The following INF2 variants were observed in gnomAD, a reference collection of about 807,000 sequenced individuals.
INF2 encodes inverted formin-2.
Under a neutral mutation model 123.5 loss-of-function variants are expected in INF2, and 43 were observed. The observed-to-expected ratio is 0.35, with a 90% CI of 0.27 to 0.45. INF2 has a LOEUF of 0.45. INF2 is among the 20% of genes least tolerant of loss of function. INF2 has a pLI of 1.00. For synonymous variants in INF2, 851 were observed against 745.0 expected (o/e 1.14, Z -2.32); for missense variants, 1,453 against 1,682.7 (o/e 0.86, Z 2.39).
At chr14:104,690,941 C>T (rs1174555300) in intron 1 of INF2, among the ~76,000 whole-genome samples, 3 of 152,216 alleles carry the variant, frequency 2.0e-5, no homozygotes, top group African/African-American at 7.2e-5. Context: ...CTGCTCCCAC[C>T]CCTACCAGGG....
In INF2 at chr14:104,698,986, C is replaced by T. The variant is rs531517025; in HGVS notation, c.-9-2371C>T. ...GGCAGGAGGGCCAGTTTCCTCCCACCGTGGCTCCACCCCACTGACCAAGGG... is the reference window on the plus strand; with the variant it reads ...GGCAGGAGGGCCAGTTTCCTCCCACTGTGGCTCCACCCCACTGACCAAGGG... On this transcript the variant is annotated intron_variant, in intron 1 of 22. Transcript: ENST00000392634. Among the ~76,000 whole-genome samples, 31 of 152,284 alleles carry T rather than the reference C, an allele frequency of 2.0e-4. No individual in the cohort carries two copies. In the East Asian group the frequency reaches 4.8e-3, roughly 24 times the overall value.
Position 104,706,924 on chromosome 14 carries a change from G to T in INF2, c.858G>T (p.Pro286=). Residue 286 remains proline, a synonymous_variant, in exon 7 of 23, where the codon CCG becomes CCT. Transcript: ENST00000392634. The part of the protein sequence containing the change: ...ASLFHKVSCS[P]VSAQLLSVLQ... ...CGCCCGTCCAGGTGAGCTGCTCCCC[G>T]GTGTCTGCCCAGCTCCTGTCGGTGC... The T allele has an allele frequency of 6.2e-7, 1 of 1,604,206 alleles. No individual in the cohort carries two copies. Among genetic ancestry groups the T allele is most frequent in the South Asian group, 1.1e-5 (1 of 90,992 alleles).
chr14:104,714,438 G>C lies in INF2; in HGVS notation c.3276G>C (p.Gln1092His). ...ASDVLTTEDPQCPQPLEGAWP... is the reference protein window; with the variant it reads ...ASDVLTTEDPHCPQPLEGAWP... ...ATGTCCTAACCACTGAGGATCCCCA[G>C]TGCCCCCAGCCCTTGGAGGGGGCCT... The change falls in exon 21 of 23, where the codon CAG becomes CAC. Residue 1092 changes from glutamine to histidine, a missense_variant. Gln to His is a conservative substitution (Grantham distance 24, BLOSUM62 0). Coordinates refer to ENST00000392634, the MANE Select transcript of INF2 (RefSeq NM_022489.4). The C allele has an allele frequency of 1.2e-6, 2 of 1,610,654 alleles. No homozygotes were observed. Among genetic ancestry groups the C allele is most frequent in the Non-Finnish European group, 1.7e-6 (2 of 1,178,854 alleles).
chr14:104,706,797 T>C, intron 6 of INF2, 113 bp from the exon 7 acceptor site: 1 of 1,191,970 alleles, frequency 8.4e-7, no homozygotes, highest in Non-Finnish European at 1.2e-6. Flanking sequence ...TCTCTAGGGA[T>C]CCGTGGGAAT....
At chr14:104,687,537 C>T (rs1230744847), upstream of INF2, among the ~76,000 whole-genome samples, 1 of 152,146 alleles carries the variant, frequency 6.6e-6, no homozygotes, top group Non-Finnish European at 1.5e-5. This position sits in a 1 kb window ranked among gnomAD's most constrained non-coding sequence, Gnocchi z 5.6. Flanking sequence ...CTCCTCTGCA[C>T]TCCCTGCCGA....
intron 22 of INF2, among the ~76,000 whole-genome samples, chr14:104,716,841 C>A (rs1890320818): frequency 6.6e-6 from 1 of 152,220 alleles, no homozygotes; most frequent in East Asian, 1.9e-4. Context: ...CAGGCACACG[C>A]CACCACGCGC....
Position 104,707,762 on chromosome 14 carries a change from TGCCC to T in INF2, c.1500_1503del (p.Pro501HisfsTer56). On this transcript the variant is annotated frameshift_variant, in exon 8 of 23. Transcript: ENST00000392634. LOFTEE classifies it high-confidence loss of function. Reference sequence around the variant, plus strand: ...ACCTCCACCACTCCCGGGCTTGGGATGCCCGCCCCCACCCCCACCCCTGCTGCCT... The same window carrying T: ...ACCTCCACCACTCCCGGGCTTGGGATGCCCCCACCCCCACCCCTGCTGCCT... 1 of 1,236,956 alleles carries T rather than the reference TGCCC, an allele frequency of 8.1e-7. No individual in the cohort carries two copies. Among genetic ancestry groups the T allele is most frequent in the Non-Finnish European group, 1.1e-6 (1 of 907,250 alleles). 76.6% of individuals were successfully genotyped at this position (1,236,956 alleles called of 1,614,324 possible).
chr14:104,712,725 A>G, intron 17 of INF2, 103 bp from the exon 18 acceptor site: 1 of 1,475,056 alleles, frequency 6.8e-7, no homozygotes, highest in Non-Finnish European at 9.1e-7. Flanking sequence ...CACCGTCCTC[A>G]GGGCCTGTCC....
Position 104,708,688 on chromosome 14 carries a change from CAAG to C in INF2, c.1910_1912del (p.Lys637del). On this transcript the variant is annotated inframe_deletion, in exon 10 of 23. Transcript: ENST00000392634. ...TTTTCTAGATCACTTTCCTCGATGC[CAAG>C]AAGAGCCTGAACCTCAACATCTTCC... 1 of 1,613,058 alleles carries C rather than the reference CAAG, an allele frequency of 6.2e-7. No individual in the cohort carries two copies. Among genetic ancestry groups the C allele is most frequent in the Non-Finnish European group, 8.5e-7 (1 of 1,179,856 alleles).
chr14:104,709,191 G>A (rs766830692), intron 10 of INF2, 90 bp from the exon 11 acceptor site: 15 of 989,476 alleles, frequency 1.5e-5, no homozygotes, highest in Non-Finnish European at 2.3e-5. Flanking sequence ...ATGACTACGT[G>A]GGGAAACCCT....
chr14:104,689,590 T>TCCCCCCCCCCCC, upstream of INF2: 1 of 646,936 alleles, frequency 1.5e-6, no homozygotes, highest in Non-Finnish European at 1.9e-6. Flanking sequence ...CTCCTCTTCC[T>TCCCCCCCCCCCC]CCCGCCCGCC....
intron 8 of INF2, 41 bp downstream of exon 8, chr14:104,708,043 C>T (rs1356293710): frequency 1.9e-6 from 3 of 1,597,734 alleles, no homozygotes; most frequent in Admixed American, 1.7e-5. Context: ...TCCCCTAGGA[C>T]GGGGGCTGGT....
chr14:104,712,648 A>G, intron 17 of INF2, 95 bp downstream of exon 17: 1 of 1,580,836 alleles, frequency 6.3e-7, no homozygotes, highest in South Asian at 1.1e-5. Flanking sequence ...TCCAGGGTGG[A>G]TCCTGGGGCC....
At chr14:104,681,373 C>T (rs1447078696) in exon 1 of INF2, 1 of 451,656 alleles carries the variant, frequency 2.2e-6, no homozygotes, top group South Asian at 1.6e-5. Flanking sequence ...CACGTGCAGG[C>T]TTGGCCCTCA....
In INF2 at chr14:104,684,130, G is replaced by A. The variant is rs75458767; in HGVS notation, c.-104+2548G>A. ...GACATAAGACAGTTCAAAGCTGAGC[G>A]GCTCTCCCCATCATGCAAGTAACCT... On this transcript the variant is annotated intron_variant, in intron 1 of 2. Coordinates refer to the INF2 transcript ENST00000674723. The surrounding 1 kb of genome is among the most constrained non-coding windows in gnomAD (Gnocchi z 5.0). The A allele has an allele frequency of 0.034, 15,502 of 455,870 alleles. 344 individuals carry two copies. The highest frequency in any genetic ancestry group is 0.076 in the African/African-American group (3,809 of 50,168). The allele number at this position is 455,870 out of a possible 1,614,324, so 28.2% of individuals were successfully genotyped here.
At chr14:104,681,641 G>C in intron 1 of INF2, 1 of 1,264,114 alleles carries the variant, frequency 7.9e-7, no homozygotes, top group African/African-American at 1.5e-5. Flanking sequence ...GAGCAGACAC[G>C]GGGGCGGAGA....
intron 1 of INF2, among the ~76,000 whole-genome samples, chr14:104,698,070 G>A (rs1889276235): frequency 6.6e-6 from 1 of 152,262 alleles, no homozygotes; most frequent in Non-Finnish European, 1.5e-5. Context: ...GTGCCTGTGG[G>A]GAGGTGGCCA....
At chr14:104,715,421 C>T (rs1049923976) in intron 22 of INF2, 81 bp downstream of exon 22, 50 of 1,281,482 alleles carry the variant, frequency 3.9e-5, no homozygotes, top group Middle Eastern at 2.4e-4. Context: ...CACACCCCTC[C>T]GGGACACTAA....
At chr14:104,700,566 G>C (rs1393171648) in intron 1 of INF2, among the ~76,000 whole-genome samples, 1 of 152,176 alleles carries the variant, frequency 6.6e-6, no homozygotes, top group Non-Finnish European at 1.5e-5. Flanking sequence ...ATGTGGTGGC[G>C]TGGAGCTGAT....
Sources: gnomAD v4.1 joint callset for allele counts (sites outside exome capture counted in the v4.1 genomes callset) on GRCh38, gnomAD v4.1.1 for gene constraint, Gnocchi (gnomAD v3.1) non-coding constraint, MANE v1.5 for transcripts, NCBI Gene and HGNC (gene_info 2026-07-23, HGNC 2026-07-21) for gene names.